NELL1: variants seen among roughly 807,000 people sequenced by gnomAD.
NELL1 encodes the protein neural EGFL like 1, also known as protein kinase C-binding protein NELL1.
In NELL1, 76 loss-of-function variants were observed where a neutral mutation model predicts 107.4. The observed-to-expected ratio is 0.71, with a 90% CI of 0.59 to 0.86. The LOEUF is 0.86. Among genes scored for constraint, NELL1 ranks in the 40% least tolerant of loss-of-function variants. NELL1 has a pLI of 0.00. For synonymous variants in NELL1, 353 were observed against 341.2 expected, an observed-to-expected ratio of 1.03 and a Z score of -0.38; for missense variants, 1,024 against 1,005.5, an observed-to-expected ratio of 1.02 and a Z score of -0.25.
At chr11:20,751,311 G>T (rs1856133797) in intron 2 of NELL1, among the ~76,000 whole-genome samples, 1 of 151,770 alleles carries the variant, frequency 6.6e-6, no homozygotes, top group Admixed American at 6.6e-5. Context: ...CATCAATTTT[G>T]GATAATGCAC....
intron 16 of NELL1, among the ~76,000 whole-genome samples, chr11:21,551,072 G>T (rs998757007): frequency 6.6e-6 from 1 of 150,944 alleles, no homozygotes; most frequent in Non-Finnish European, 1.5e-5. Context: ...TTGTAAGTTG[G>T]ATTCCTAGGT....
At chr11:20,777,051 G>T (rs991247922) in intron 2 of NELL1, among the ~76,000 whole-genome samples, 1 of 152,198 alleles carries the variant, frequency 6.6e-6, no homozygotes, top group Non-Finnish European at 1.5e-5. Flanking sequence ...GTGTATCATG[G>T]TGATTTACCC....
chr11:21,351,072 A>T (rs1467958638), intron 14 of NELL1, among the ~76,000 whole-genome samples: 1 of 152,138 alleles, frequency 6.6e-6, no homozygotes, highest in African/African-American at 2.4e-5. Context: ...TGAGAGGGCA[A>T]TTCGACACAG....
intron 13 of NELL1, among the ~76,000 whole-genome samples, chr11:21,131,197 G>A (rs1474417988): frequency 2.0e-5 from 3 of 151,728 alleles, no homozygotes; most frequent in African/African-American, 7.3e-5. Context: ...TCTAATATGA[G>A]GATAATAATA....
chr11:21,089,497 C>T lies in NELL1; in HGVS notation c.1301-24092C>T, dbSNP rs189330640. 4.1e-3 allele frequency among the ~76,000 whole-genome samples: 626 copies of T among 152,176 alleles called. 12 individuals are homozygous for T. Among genetic ancestry groups the T allele is most frequent in the Admixed American group, 0.039 (595 of 15,272 alleles). ...GGTGGGCTATATATAATGAAACAAA[C>T]CCCCCTCAGTAGGATGCATATTTGT... On this transcript the variant is annotated intron_variant, in intron 12 of 19. Coordinates refer to ENST00000357134, the MANE Select transcript of NELL1 (RefSeq NM_006157.5).
At chr11:20,693,931 C>T (rs1026917320) in intron 2 of NELL1, among the ~76,000 whole-genome samples, 22 of 152,038 alleles carry the variant, frequency 1.4e-4, no homozygotes, top group East Asian at 7.7e-4. Flanking sequence ...ACCAATCAGA[C>T]GCAGATTTGG....
At chr11:21,462,262 T>C (rs1853917719) in intron 15 of NELL1, among the ~76,000 whole-genome samples, 1 of 152,118 alleles carries the variant, frequency 6.6e-6, no homozygotes, top group South Asian at 2.1e-4. Context: ...CATTGCTACA[T>C]TTCATTTGAA....
chr11:20,789,313 G>A (rs925628923), intron 3 of NELL1, among the ~76,000 whole-genome samples: 9 of 152,198 alleles, frequency 5.9e-5, no homozygotes, highest in Admixed American at 4.6e-4. Flanking sequence ...CAGATACACC[G>A]GCTGCTGCCA....
chr11:20,801,050 AT>A (rs1857272332), intron 3 of NELL1, among the ~76,000 whole-genome samples: 1 of 152,180 alleles, frequency 6.6e-6, no homozygotes, highest in Non-Finnish European at 1.5e-5. Context: ...AAAAATAGGT[AT>A]GTATTTTTCA....
At chr11:21,197,119 C>T (rs906384078) in intron 13 of NELL1, among the ~76,000 whole-genome samples, 31 of 151,788 alleles carry the variant, frequency 2.0e-4, no homozygotes, top group African/African-American at 6.0e-4. Flanking sequence ...CCTTGTGATC[C>T]GCCTGCCTCA....
intron 2 of NELL1, among the ~76,000 whole-genome samples, chr11:20,777,482 A>G (rs1424019177): frequency 1.3e-5 from 2 of 152,232 alleles, no homozygotes; most frequent in South Asian, 2.1e-4. Context: ...TGCTTGGATC[A>G]ATAACATCTG....
intron 12 of NELL1, among the ~76,000 whole-genome samples, chr11:21,108,732 C>G (rs1855029955): frequency 6.6e-6 from 1 of 152,026 alleles, no homozygotes; most frequent in Non-Finnish European, 1.5e-5. Flanking sequence ...GTTTTGGGGC[C>G]TTGGGTCACT....
chr11:21,209,292 C>T (rs990200532), intron 13 of NELL1, among the ~76,000 whole-genome samples: 1 of 147,504 alleles, frequency 6.8e-6, no homozygotes, highest in Non-Finnish European at 1.5e-5. Flanking sequence ...ACTTCTTAAC[C>T]CCACATTAAC....
chr11:21,270,183 T>A (rs956150329), intron 14 of NELL1, among the ~76,000 whole-genome samples: 4 of 152,054 alleles, frequency 2.6e-5, no homozygotes, highest in African/African-American at 4.8e-5. Flanking sequence ...CAGTAATAAA[T>A]ATAGTAGTGT....
intron 15 of NELL1, among the ~76,000 whole-genome samples, chr11:21,493,161 T>C (rs1353893541): frequency 6.6e-6 from 1 of 152,046 alleles, no homozygotes; most frequent in African/African-American, 2.4e-5. Flanking sequence ...GTAAAACCAC[T>C]ATGGAGAACA....
intron 14 of NELL1, among the ~76,000 whole-genome samples, chr11:21,229,907 T>G (rs953199172): frequency 6.6e-6 from 1 of 152,186 alleles, no homozygotes; most frequent in Admixed American, 6.5e-5. Context: ...CTGGCTTCCC[T>G]TAGCATTTAG....
intron 2 of NELL1, among the ~76,000 whole-genome samples, chr11:20,684,985 G>A (rs752123378): frequency 4.3e-4 from 65 of 151,998 alleles, no homozygotes; most frequent in Non-Finnish European, 8.1e-4. Flanking sequence ...TTTCTAACAT[G>A]TATGCACAGG....
At chr11:20,968,989 C>G (rs1442659716) in intron 12 of NELL1, among the ~76,000 whole-genome samples, 1 of 152,072 alleles carries the variant, frequency 6.6e-6, no homozygotes, top group Non-Finnish European at 1.5e-5. Context: ...TGGTGAGTGG[C>G]TTTTTGATCT....
At chr11:21,043,481 T>G (rs1853286385) in intron 12 of NELL1, among the ~76,000 whole-genome samples, 1 of 152,154 alleles carries the variant, frequency 6.6e-6, no homozygotes, top group Non-Finnish European at 1.5e-5. Flanking sequence ...TCCACCATGA[T>G]GTCCATGTAA....
Sources: gnomAD v4.1 joint callset for allele counts (sites outside exome capture counted in the v4.1 genomes callset) on GRCh38, gnomAD v4.1.1 for gene constraint, MANE v1.5 for transcripts, NCBI Gene and HGNC (gene_info 2026-07-23, HGNC 2026-07-21) for gene names.